Variants in SLC25A51 observed in about 807,000 individuals in gnomAD.
SLC25A51 encodes solute carrier family 25 member 51.
In SLC25A51, 11 loss-of-function variants were observed where a neutral mutation model predicts 19.1. The ratio of observed to expected loss-of-function variants is 0.58; its 90% CI spans 0.36 to 0.96. SLC25A51 has a LOEUF of 0.96. SLC25A51 is among the 40% of genes least tolerant of loss of function. The probability of loss-of-function intolerance (pLI) is 0.01; values close to 1 mark genes in which losing one functional copy is unlikely to be tolerated. For missense variants in SLC25A51, 201 were observed against 365.4 expected (o/e 0.55, Z 3.67); for synonymous variants, 105 against 133.6 (o/e 0.79, Z 1.47).
At chr9:37,887,333 G>A (rs1018239762), downstream of SLC25A51, among the ~76,000 whole-genome samples, 6 of 147,524 alleles carry the variant, frequency 4.1e-5, no homozygotes, top group East Asian at 1.0e-3. Context: ...AAAAAAAAAA[G>A]TATAAGCCTA....
At chr9:37,887,599 C>T (rs1006569969), downstream of SLC25A51, 19 of 1,406,094 alleles carry the variant, frequency 1.4e-5, no homozygotes, top group African/African-American at 2.5e-4. Context: ...AGAGGCCAAA[C>T]TGCATTCTTC....
intron 2 of SLC25A51, 143 bp downstream of exon 2, chr9:37,899,686 T>G (rs1357600562): frequency 6.6e-6 from 1 of 152,114 alleles, no homozygotes; most frequent in Non-Finnish European, 1.5e-5. Context: ...TTTAATACTA[T>G]CTTCACATCA....
chr9:37,902,502 A>G (rs1217882141), intron 1 of SLC25A51, among the ~76,000 whole-genome samples: 1 of 152,244 alleles, frequency 6.6e-6, no homozygotes, highest in Non-Finnish European at 1.5e-5. Flanking sequence ...GATGGTGTGA[A>G]TATGTTCTTA....
chr9:37,889,194 A>G (rs1208021285), intron 2 of SLC25A51, among the ~76,000 whole-genome samples: 1 of 152,204 alleles, frequency 6.6e-6, no homozygotes, highest in Non-Finnish European at 1.5e-5. Flanking sequence ...TACGGTATCT[A>G]TCTATTGTCC....
Position 37,888,390 on chromosome 9 carries a change from A to G in SLC25A51, c.161T>C (p.Val54Ala). Residue 54 changes from valine to alanine, a missense_variant, in exon 3 of 3, where the codon GTC (valine) becomes GCC (alanine). By Grantham distance (64) the Val-to-Ala change is moderately conservative. Transcript: ENST00000242275. ...NVAITFPIQKVLFRQQLYGIK... is the reference protein window; with the variant it reads ...NVAITFPIQKALFRQQLYGIK... ...GCCATACAGCTGTTGTCGAAAGAGG[A>G]CCTTCTGAATGGGAAATGTGATTGC... is the stretch of plus-strand genomic sequence containing the variant. The G allele has an allele frequency of 6.2e-7, 1 of 1,614,226 alleles. No homozygotes were observed. The highest frequency in any genetic ancestry group is 1.1e-5 in the South Asian group (1 of 91,086).
intron 2 of SLC25A51, among the ~76,000 whole-genome samples, chr9:37,893,168 G>A (rs975130681): frequency 2.0e-5 from 3 of 152,166 alleles, no homozygotes; most frequent in African/African-American, 7.2e-5. Flanking sequence ...GTAAGCCACT[G>A]TGCCCAGCCA....
In SLC25A51 at chr9:37,891,204, C is replaced by T. The variant is rs370282136; in HGVS notation, c.-42-2612G>A. On this transcript the variant is annotated intron_variant, in intron 2 of 2. Transcript: ENST00000242275. Reference sequence around the variant, plus strand: ...AACATGTACACAAAGATTCAGCCATCGCCCGGCCAGCCGCCCCGTCCAGGA... The same window carrying T: ...AACATGTACACAAAGATTCAGCCATTGCCCGGCCAGCCGCCCCGTCCAGGA... Among the ~76,000 whole-genome samples, 37 of 152,340 alleles carry T rather than the reference C, an allele frequency of 2.4e-4. 1 individual carries two copies. The highest frequency in any genetic ancestry group is 8.4e-4 in the African/African-American group (35 of 41,588).
At chr9:37,901,413 C>A (rs1442935951) in intron 1 of SLC25A51, among the ~76,000 whole-genome samples, 1 of 152,210 alleles carries the variant, frequency 6.6e-6, no homozygotes, top group South Asian at 2.1e-4. Context: ...AGTGATCCAG[C>A]CTGCCTTGGC....
rs527988664 is a variant in SLC25A51 at position 37,894,711 on chromosome 9, G to A, written c.-43+5118C>T. 1.8e-4 allele frequency among the ~76,000 whole-genome samples: 27 copies of A among 152,100 alleles called. No homozygotes were observed. In the East Asian group the frequency reaches 3.5e-3, roughly 20 times the overall value. On this transcript the variant is annotated intron_variant, in intron 2 of 2. Transcript: ENST00000242275. ...TGGGGTTTGTTGTACAGATTATTTC[G>A]CCACCCAGGTATTAAGCCTAGTACC...
chr9:37,880,482 G>A (rs191778681), exon 4 of SLC25A51: 3 of 152,266 alleles, frequency 2.0e-5, no homozygotes, highest in Admixed American at 2.0e-4. Flanking sequence ...CCGGCGCGGT[G>A]GCTCACGCCT....
chr9:37,898,176 C>T (rs191355043), intron 2 of SLC25A51, among the ~76,000 whole-genome samples: 302 of 152,230 alleles, frequency 2.0e-3, no homozygotes, highest in East Asian at 7.3e-3. Context: ...TCTGGGAGGC[C>T]GAAGCAGGCA....
At chr9:37,884,533 C>G (rs1831408659), downstream of SLC25A51, among the ~76,000 whole-genome samples, 1 of 152,166 alleles carries the variant, frequency 6.6e-6, no homozygotes, top group Admixed American at 6.5e-5. Context: ...CTTTTTTCCC[C>G]TCTCTTTAAC....
At chr9:37,902,404 T>C (rs16934584) in intron 1 of SLC25A51, among the ~76,000 whole-genome samples, 3,280 of 152,246 alleles carry the variant, frequency 0.022, 64 homozygotes, top group East Asian at 0.077. Context: ...ATTTAAAAAA[T>C]AGGCCTAGAT....
chr9:37,886,304 A>C (rs1320317603), downstream of SLC25A51: 285 of 1,613,936 alleles, frequency 1.8e-4, no homozygotes, highest in Middle Eastern at 3.3e-4. Context: ...GAAGCTATCA[A>C]AGGCTGGAGA....
rs9969708 is a variant in SLC25A51 at position 37,887,665 on chromosome 9, C to A, written c.886G>T (p.Val296Phe). Residue 296 changes from valine (V) to phenylalanine (F), a missense_variant, in exon 3 of 3, where the codon GTT becomes TTT. By Grantham distance (50) the Val-to-Phe change is conservative (BLOSUM62 -1). Coordinates refer to ENST00000242275, the MANE Select transcript of SLC25A51 (RefSeq NM_033412.4). The stretch of plus-strand genomic sequence containing the variant: ...CTTAACTGATGGTTTTTTCATATAA[C>A]CTTTAACAAGAACTCATAAGTTGCA... ...INATYEFLLKVI is the reference protein window; with the variant it reads ...INATYEFLLKFI 6.2e-7 allele frequency: 1 copy of A among 1,608,086 alleles called. No homozygotes were observed. Among genetic ancestry groups the A allele is most frequent in the East Asian group, 2.2e-5 (1 of 44,820 alleles).
chr9:37,879,988 A>G (rs1322133466), exon 4 of SLC25A51: 3 of 152,320 alleles, frequency 2.0e-5, no homozygotes, highest in Non-Finnish European at 4.4e-5. Flanking sequence ...TTTGGTCTTT[A>G]TGGCAGAGGA....
intron 2 of SLC25A51, among the ~76,000 whole-genome samples, chr9:37,890,102 T>TG (rs1428393513): frequency 1.3e-5 from 2 of 152,154 alleles, no homozygotes; most frequent in Non-Finnish European, 2.9e-5. Flanking sequence ...AGTAAGATAC[T>TG]GGCCAGGCAT....
At chr9:37,903,887 T>A (rs972140698) in intron 1 of SLC25A51, 181 bp downstream of exon 1, 3 of 152,190 alleles carry the variant, frequency 2.0e-5, no homozygotes, top group African/African-American at 7.2e-5. Flanking sequence ...CAGAACTGAT[T>A]CCGCCCGCGC....
downstream of SLC25A51, chr9:37,885,824 T>C: frequency 6.2e-7 from 1 of 1,606,646 alleles, no homozygotes; most frequent in Non-Finnish European, 8.5e-7. Flanking sequence ...GCTTGGATAT[T>C]CGCATGGGCC....
Sources: allele counts gnomAD v4.1 joint callset (sites outside exome capture counted in the v4.1 genomes callset), GRCh38; gene constraint gnomAD v4.1.1; transcripts MANE v1.5; gene names NCBI Gene and HGNC (gene_info 2026-07-23, HGNC 2026-07-21).